DSCAM: variants seen among roughly 807,000 people sequenced by gnomAD.
DSCAM encodes the protein cell adhesion molecule DSCAM.
Under a neutral mutation model 217.7 loss-of-function variants are expected in DSCAM, and 47 were observed. The observed-to-expected ratio is 0.22, with a 90% CI of 0.17 to 0.28. DSCAM has a LOEUF of 0.28. Ranked by LOEUF, DSCAM falls within the 10% of genes least tolerant of loss-of-function variation. The pLI is 1.00. For missense variants in DSCAM, 2,080 were observed against 2,618.3 expected, an observed-to-expected ratio of 0.79 and a Z score of 4.49; for synonymous variants, 1,056 against 1,015.3, an observed-to-expected ratio of 1.04 and a Z score of -0.76.
At chr21:40,738,645 C>T (rs2091089159) in intron 1 of DSCAM, among the ~76,000 whole-genome samples, 1 of 152,164 alleles carries the variant, frequency 6.6e-6, no homozygotes, top group Non-Finnish European at 1.5e-5. Flanking sequence ...AGTGATTGTT[C>T]AAAGACAGAT....
chr21:40,831,023 T>C (rs773191965), intron 1 of DSCAM, among the ~76,000 whole-genome samples: 3 of 152,190 alleles, frequency 2.0e-5, no homozygotes, highest in Non-Finnish European at 2.9e-5. Flanking sequence ...ACCCAGATGG[T>C]GACTTCATTA....
intron 20 of DSCAM, among the ~76,000 whole-genome samples, chr21:40,120,258 C>A (rs1039030176): frequency 1.3e-5 from 2 of 152,228 alleles, no homozygotes; most frequent in Non-Finnish European, 2.9e-5. Context: ...ATGTGAATCA[C>A]AGCTCAGAGA....
chr21:40,592,124 A>G (rs2076988501), intron 3 of DSCAM, among the ~76,000 whole-genome samples: 1 of 152,164 alleles, frequency 6.6e-6, no homozygotes, highest in African/African-American at 2.4e-5. Flanking sequence ...GTAATACCCC[A>G]TTAAAGTTTT....
intron 3 of DSCAM, among the ~76,000 whole-genome samples, chr21:40,612,713 C>T (rs1197633462): frequency 1.3e-5 from 2 of 152,068 alleles, no homozygotes; most frequent in African/African-American, 4.8e-5. Flanking sequence ...TTGATAATCC[C>T]TCTGGCTGAA....
chr21:40,361,397 G>A (rs981545580), intron 4 of DSCAM, among the ~76,000 whole-genome samples: 1 of 152,140 alleles, frequency 6.6e-6, no homozygotes, highest in African/African-American at 2.4e-5. Flanking sequence ...GAGGCAGGGG[G>A]ATCACAAGGT....
intron 28 of DSCAM, among the ~76,000 whole-genome samples, chr21:40,056,777 T>G (rs2089031927): frequency 6.6e-6 from 1 of 152,236 alleles, no homozygotes; most frequent in Non-Finnish European, 1.5e-5. Flanking sequence ...TAACACTGGT[T>G]TTGAGAAAGA....
intron 3 of DSCAM, among the ~76,000 whole-genome samples, chr21:40,691,928 T>C (rs2090542217): frequency 6.6e-6 from 1 of 152,248 alleles, no homozygotes; most frequent in Admixed American, 6.5e-5. Flanking sequence ...TAGTTCCAAA[T>C]TCTGCTCTCT....
intron 3 of DSCAM, among the ~76,000 whole-genome samples, chr21:40,655,470 T>A (rs1045250480): frequency 6.3e-5 from 9 of 142,898 alleles, no homozygotes; most frequent in African/African-American, 2.6e-5. Context: ...TGAGACAGGG[T>A]CTCACTCTGT....
chr21:40,550,264 C>T (rs2076618910), intron 3 of DSCAM, among the ~76,000 whole-genome samples: 1 of 152,186 alleles, frequency 6.6e-6, no homozygotes, highest in Admixed American at 6.5e-5. Flanking sequence ...GTGGCTCATG[C>T]CTGTAATCCT....
At chr21:40,281,573 T>C (rs1284367709) in intron 10 of DSCAM, among the ~76,000 whole-genome samples, 3 of 152,202 alleles carry the variant, frequency 2.0e-5, no homozygotes, top group African/African-American at 4.8e-5. Context: ...ATATTTACAA[T>C]AAACTGCCTT....
chr21:40,404,723 G>A (rs2075266002), intron 3 of DSCAM, among the ~76,000 whole-genome samples: 1 of 152,234 alleles, frequency 6.6e-6, no homozygotes, highest in Admixed American at 6.5e-5. Context: ...ATATAGAATA[G>A]TGAGTGGAGG....
chr21:40,370,540 T>A (rs75721426), intron 3 of DSCAM, among the ~76,000 whole-genome samples: 1 of 152,304 alleles, frequency 6.6e-6, no homozygotes, highest in African/African-American at 2.4e-5. Context: ...CATATTTAAA[T>A]TGTAAAGATA....
rs376121987 is a variant in DSCAM at position 40,083,989 on chromosome 21, G to T, written c.4150C>A (p.Arg1384=). The change falls in exon 24 of 33, where the codon CGG becomes AGG. Residue 1384 remains arginine (R), a synonymous_variant. Coordinates refer to ENST00000400454, the MANE Select transcript of DSCAM (RefSeq NM_001389.5). ...GACGTGGTCTTGGAGACTGTAAGCC[G>T]AGGCTGATCTGGTGGAACTGGAGAG... is the stretch of plus-strand genomic sequence containing the variant. ...LQVQVPPDQP[R]LTVSKTTSSS... is the part of the protein sequence containing the mutation. The T allele has an allele frequency of 2.5e-6, 4 of 1,612,672 alleles. No homozygotes were observed. Among genetic ancestry groups the T allele is most frequent in the Non-Finnish European group, 1.7e-6 (2 of 1,179,644 alleles).
At chr21:40,440,934 G>T (rs189463324) in intron 3 of DSCAM, among the ~76,000 whole-genome samples, 2 of 152,266 alleles carry the variant, frequency 1.3e-5, no homozygotes, top group African/African-American at 4.8e-5. Context: ...ACCACCTGGA[G>T]CTTTGAGGAC....
chr21:40,144,494 C>T lies in DSCAM; in HGVS notation c.3256G>A (p.Asp1086Asn). 6.2e-7 allele frequency: 1 copy of T among 1,613,998 alleles called. No homozygotes were observed. Among genetic ancestry groups the T allele is most frequent in the Non-Finnish European group, 8.5e-7 (1 of 1,179,860 alleles). The change falls in exon 17 of 33, where the codon GAT (aspartate) becomes AAT (asparagine). Residue 1086 changes from aspartate to asparagine, a missense_variant. Physicochemically the swap from Asp to Asn is conservative, Grantham distance 23. This residue lies in a region of DSCAM where 1,144 missense variants were observed against 1,421.1 expected (regional missense o/e 0.81). Coordinates refer to ENST00000400454, the MANE Select transcript of DSCAM (RefSeq NM_001389.5). The surrounding 1 kb of genome is among the most constrained non-coding windows in gnomAD (Gnocchi z 4.8). ...SQEIITTTLE[D>N]VPSYPPENVQ... The stretch of plus-strand genomic sequence containing the variant: ...ACCAGGCCCCGGCCGAACCTACCAT[C>T]CTCGAGAGTGGTGGTGATGATTTCC...
chr21:40,577,003 A>C (rs2076856505), intron 3 of DSCAM, among the ~76,000 whole-genome samples: 1 of 140,640 alleles, frequency 7.1e-6, no homozygotes, highest in South Asian at 2.1e-4. Context: ...AATAAAATAA[A>C]AAAAAAAATA....
intron 1 of DSCAM, among the ~76,000 whole-genome samples, chr21:40,713,513 G>C (rs1397574985): frequency 1.3e-5 from 2 of 152,182 alleles, no homozygotes; most frequent in Non-Finnish European, 2.9e-5. Context: ...ATACCTTAGA[G>C]TGCACATGGC....
At chr21:40,517,407 AC>A (rs1427798373) in intron 3 of DSCAM, among the ~76,000 whole-genome samples, 1 of 27,950 alleles carries the variant, frequency 3.6e-5, no homozygotes, top group African/African-American at 1.3e-4. Flanking sequence ...CACAAGCAAC[AC>A]ACACACACAC....
intron 8 of DSCAM, among the ~76,000 whole-genome samples, chr21:40,330,405 C>CATATAT (rs34922926): frequency 9.1e-4 from 131 of 143,312 alleles, no homozygotes; most frequent in African/African-American, 3.1e-3. Context: ...ATATATTATA[C>CATATAT]ATATATATAT....
Sources: allele counts gnomAD v4.1 joint callset (sites outside exome capture counted in the v4.1 genomes callset), GRCh38; gene constraint gnomAD v4.1.1; regional missense constraint gnomAD v4.1.1; non-coding constraint Gnocchi (gnomAD v3.1); transcripts MANE v1.5; gene names NCBI Gene and HGNC (gene_info 2026-07-23, HGNC 2026-07-21).